Variants in RPN1 observed in about 807,000 individuals in gnomAD.
RPN1 encodes dolichyl-diphosphooligosaccharide--protein glycosyltransferase subunit 1.
Under a neutral mutation model 55.5 loss-of-function variants are expected in RPN1, and 12 were observed. That is an observed-to-expected ratio of 0.22 (90% CI 0.14 to 0.35). The LOEUF is 0.35. Among genes scored for constraint, RPN1 ranks in the 10% least tolerant of loss-of-function variants. The pLI is 1.00. For missense variants in RPN1, 679 were observed against 761.3 expected (o/e 0.89, Z 1.27); for synonymous variants, 317 against 305.9 (o/e 1.04, Z -0.38).
Position 128,620,077 on chromosome 3 carries a change from T to A in RPN1, c.*334A>T. 1 of 233,276 alleles carries A rather than the reference T, an allele frequency of 4.3e-6. No individual in the cohort carries two copies. 14.5% of individuals were successfully genotyped at this position (233,276 alleles called of 1,614,324 possible). On this transcript the variant is annotated 3_prime_UTR_variant, in exon 10 of 10. Coordinates refer to ENST00000296255, the MANE Select transcript of RPN1 (RefSeq NM_002950.4). ...CCCAAACATCAGAATTAGAAGGGCA[T>A]AAAACAGGGGGCTTTATAGGCTGAA...
chr3:128,647,313 A>T (rs1576800695), intron 1 of RPN1, among the ~76,000 whole-genome samples: 1 of 152,198 alleles, frequency 6.6e-6, no homozygotes, highest in African/African-American at 2.4e-5. Context: ...CAAAAAGCCT[A>T]AAAACAATCA....
intron 8 of RPN1, among the ~76,000 whole-genome samples, chr3:128,625,289 A>G (rs1304339803): frequency 6.6e-6 from 1 of 152,124 alleles, no homozygotes; most frequent in East Asian, 1.9e-4. Flanking sequence ...TGTTTTTCCT[A>G]CCTCAACTGA....
chr3:128,625,360 G>C (rs1269449117), intron 8 of RPN1, among the ~76,000 whole-genome samples, 174 bp downstream of exon 8: 1 of 152,150 alleles, frequency 6.6e-6, no homozygotes, highest in Non-Finnish European at 1.5e-5. Context: ...TTAACCTCCT[G>C]TGCTAGTGAC....
At chr3:128,632,274 G>GT in intron 3 of RPN1, 117 bp from the exon 4 acceptor site, 8 of 790,300 alleles carry the variant, frequency 1.0e-5, no homozygotes, top group Middle Eastern at 3.0e-4. Flanking sequence ...AAATTATGAT[G>GT]TATCTAACGT....
At chr3:128,635,638 T>G (rs376950206) in intron 3 of RPN1, among the ~76,000 whole-genome samples, 2 of 22,916 alleles carry the variant, frequency 8.7e-5, no homozygotes, top group East Asian at 1.2e-3. Context: ...TATATATATA[T>G]AGATATATAT....
intron 1 of RPN1, among the ~76,000 whole-genome samples, chr3:128,648,191 A>G (rs1559759070): frequency 6.6e-6 from 1 of 152,146 alleles, no homozygotes; most frequent in Non-Finnish European, 1.5e-5. Flanking sequence ...CAAGAGATCA[A>G]GACCATCCTG....
rs1371641651 is a variant in RPN1 at position 128,629,920 on chromosome 3, G to A, written c.1036+31C>T. On this transcript the variant is annotated intron_variant, in intron 5 of 9. Coordinates refer to ENST00000296255, the MANE Select transcript of RPN1 (RefSeq NM_002950.4). ...AAAAATTCACGAAATTAAAGAAAAG[G>A]TTAGTTTCTCCCTTACTATTGAAGA... 5 of 1,241,462 alleles carry A rather than the reference G, an allele frequency of 4.0e-6. No individual in the cohort carries two copies. The South Asian group carries it at 5.2e-5, about 13-fold the overall frequency. The allele number at this position is 1,241,462 out of a possible 1,614,324, so 76.9% of individuals were successfully genotyped here.
rs1339970695 is a variant in RPN1, at chr3:128,620,077, T to C, written c.*334A>G. 2 of 233,218 alleles carry C rather than the reference T, an allele frequency of 8.6e-6. No individual in the cohort carries two copies. Among genetic ancestry groups the C allele is most frequent in the Non-Finnish European group, 1.7e-5 (2 of 120,574 alleles). The allele number at this position is 233,218 out of a possible 1,614,324, so 14.4% of individuals were successfully genotyped here. On this transcript the variant is annotated 3_prime_UTR_variant, in exon 10 of 10. Transcript: ENST00000296255. ...CCCAAACATCAGAATTAGAAGGGCA[T>C]AAAACAGGGGGCTTTATAGGCTGAA...
chr3:128,639,439 C>T (rs974629357), intron 2 of RPN1, among the ~76,000 whole-genome samples: 4 of 125,786 alleles, frequency 3.2e-5, no homozygotes, highest in East Asian at 2.4e-4. Context: ...GGCGACAGAG[C>T]GAGATACCGT....
chr3:128,645,235 G>A (rs1477210283), intron 1 of RPN1, among the ~76,000 whole-genome samples: 1 of 152,140 alleles, frequency 6.6e-6, no homozygotes, highest in Admixed American at 6.6e-5. Context: ...ACTTTGGGAG[G>A]CCAAAGTGGG....
chr3:128,622,570 G>A (rs1344482225), intron 8 of RPN1, among the ~76,000 whole-genome samples, 161 bp from the exon 9 acceptor site: 2 of 152,150 alleles, frequency 1.3e-5, no homozygotes, highest in African/African-American at 4.8e-5. Flanking sequence ...TCTGGACCAG[G>A]TTCAGCAATG....
intron 3 of RPN1, among the ~76,000 whole-genome samples, chr3:128,633,569 A>T (rs1177153431): frequency 1.3e-5 from 2 of 152,190 alleles, no homozygotes; most frequent in African/African-American, 4.8e-5. Context: ...TACTTCAGAA[A>T]ATCCTGAGAA....
At chr3:128,634,186 G>A (rs971101757) in intron 3 of RPN1, among the ~76,000 whole-genome samples, 21 of 151,900 alleles carry the variant, frequency 1.4e-4, no homozygotes, top group Admixed American at 3.3e-4. Context: ...AATTAGCCAG[G>A]CATGGTCGCA....
intron 1 of RPN1, among the ~76,000 whole-genome samples, chr3:128,645,795 G>A (rs1445270243): frequency 6.6e-6 from 1 of 152,078 alleles, no homozygotes; most frequent in Non-Finnish European, 1.5e-5. Context: ...ACTCTAGCCT[G>A]GGTGACAGAG....
chr3:128,640,369 T>A (rs1389003227), intron 2 of RPN1, among the ~76,000 whole-genome samples: 3 of 152,148 alleles, frequency 2.0e-5, no homozygotes, highest in African/African-American at 7.2e-5. Context: ...CTGATATGAC[T>A]TTATAGAACA....
At chr3:128,644,222 AG>A (rs2069750014) in intron 2 of RPN1, among the ~76,000 whole-genome samples, 1 of 152,346 alleles carries the variant, frequency 6.6e-6, no homozygotes, top group Admixed American at 6.5e-5. Context: ...GATCTGATAT[AG>A]AAAGTAACTA....
At chr3:128,621,953 C>T (rs1175283645) in intron 9 of RPN1, among the ~76,000 whole-genome samples, 1 of 152,238 alleles carries the variant, frequency 6.6e-6, no homozygotes, top group Non-Finnish European at 1.5e-5. Flanking sequence ...ACGAGGCTAG[C>T]AGAGCTTCCT....
In RPN1 at chr3:128,625,995, C is replaced by T; in HGVS notation, c.1154G>A (p.Ser385Asn). 6.2e-7 allele frequency: 1 copy of T among 1,603,610 alleles called. No homozygotes were observed. The highest frequency in any genetic ancestry group is 8.5e-7 in the Non-Finnish European group (1 of 1,176,064). The change falls in exon 7 of 10, where the codon AGT becomes AAT. Residue 385 changes from serine (S) to asparagine (N), a missense_variant. Transcript: ENST00000296255. ...PEGAKNIEID[S>N]PYEISRAPDE... Reference sequence around the variant, plus strand: ...TGGGGCACGGCTGATTTCATAGGGACTATCAATTTCAATGTTCCTGGAAGA... The same window carrying T: ...TGGGGCACGGCTGATTTCATAGGGATTATCAATTTCAATGTTCCTGGAAGA...
At chr3:128,636,956 G>A (rs1239281457) in intron 3 of RPN1, among the ~76,000 whole-genome samples, 1 of 152,108 alleles carries the variant, frequency 6.6e-6, no homozygotes, top group East Asian at 1.9e-4. Flanking sequence ...TAGCAAAAAG[G>A]CCAGGGACCA....
Sources: allele counts gnomAD v4.1 joint callset (sites outside exome capture counted in the v4.1 genomes callset), GRCh38; gene constraint gnomAD v4.1.1; transcripts MANE v1.5; gene names NCBI Gene and HGNC (gene_info 2026-07-23, HGNC 2026-07-21).